The following FAM168B variants were observed in gnomAD, a reference collection of about 807,000 sequenced individuals.
FAM168B encodes family with sequence similarity 168 member B.
FAM168B carries 19 observed loss-of-function variants against 21.8 expected under a neutral mutation model. The observed-to-expected ratio is 0.87, with a 90% CI of 0.61 to 1.28. FAM168B has a LOEUF of 1.28. Among genes scored for constraint, FAM168B ranks in the 50% most tolerant of loss-of-function variants. FAM168B has a pLI of 0.00. For synonymous variants in FAM168B, 126 were observed against 104.8 expected, an observed-to-expected ratio of 1.20 and a Z score of -1.24; for missense variants, 233 against 263.1, an observed-to-expected ratio of 0.89 and a Z score of 0.79.
Position 131,051,396 on chromosome 2 carries a change from T to C in FAM168B, c.*1069A>G, listed in dbSNP as rs908434983. On this transcript the variant is annotated 3_prime_UTR_variant, in exon 7 of 7. Coordinates refer to ENST00000389915, the MANE Select transcript of FAM168B (RefSeq NM_001009993.4). ...ATTCTTAAATATACCACTTTCTTCA[T>C]AACATACAGCTGAAACCTTTGCCCT... is the stretch of plus-strand genomic sequence containing the variant. The C allele has an allele frequency of 2.0e-6, 2 of 984,506 alleles. No homozygotes were observed. Among genetic ancestry groups the C allele is most frequent in the South Asian group, 9.4e-5 (2 of 21,278 alleles). The allele number at this position is 984,506 out of a possible 1,614,324, so 61.0% of individuals were successfully genotyped here. A position where few individuals can be genotyped will look rare whatever the true frequency, so the allele number is the denominator to read the frequency against.
intron 2 of FAM168B, among the ~76,000 whole-genome samples, chr2:131,072,612 C>T (rs1692931956): frequency 6.6e-6 from 1 of 152,058 alleles, no homozygotes; most frequent in Non-Finnish European, 1.5e-5. Context: ...GCATCTACCA[C>T]CACGCCCAGC....
In FAM168B at chr2:131,050,492, C is replaced by G; in HGVS notation, c.*1973G>C. On this transcript the variant is annotated 3_prime_UTR_variant, in exon 7 of 7. Coordinates refer to ENST00000389915, the MANE Select transcript of FAM168B (RefSeq NM_001009993.4). Reference sequence around the variant, plus strand: ...CAAACTGTGTGCCTGCGGTAAATGTCTGCCCCCACACATAGACACTAAGAT... The same window carrying G: ...CAAACTGTGTGCCTGCGGTAAATGTGTGCCCCCACACATAGACACTAAGAT... 1.0e-6 allele frequency: 1 copy of G among 985,832 alleles called. No individual in the cohort carries two copies. The highest frequency in any genetic ancestry group is 1.2e-6 in the Non-Finnish European group (1 of 829,944). The allele number at this position is 985,832 out of a possible 1,614,324, so 61.1% of individuals were successfully genotyped here.
At chr2:131,061,355 G>A (rs1692286536) in intron 3 of FAM168B, among the ~76,000 whole-genome samples, 1 of 150,896 alleles carries the variant, frequency 6.6e-6, no homozygotes, top group Non-Finnish European at 1.5e-5. Flanking sequence ...TTCAGATGCT[G>A]ACACACAACT....
intron 2 of FAM168B, among the ~76,000 whole-genome samples, chr2:131,076,622 C>T (rs1693165478): frequency 1.4e-5 from 2 of 147,116 alleles, no homozygotes; most frequent in South Asian, 4.3e-4. Flanking sequence ...CACTGCACTC[C>T]AGCCTGGGCA....
chr2:131,083,527 C>T (rs191989766), intron 1 of FAM168B, among the ~76,000 whole-genome samples: 3 of 152,218 alleles, frequency 2.0e-5, no homozygotes, highest in Non-Finnish European at 2.9e-5. Context: ...GACAACAGAG[C>T]GAGACTTTGT....
Position 131,050,694 on chromosome 2 carries a change from G to C in FAM168B, c.*1771C>G. On this transcript the variant is annotated 3_prime_UTR_variant, in exon 7 of 7. Coordinates refer to ENST00000389915, the MANE Select transcript of FAM168B (RefSeq NM_001009993.4). ...AGAAGTACTTACTATAAAAAATAAG[G>C]TTACCAAAGGCTCAGTGGTCAGGTG... 3 of 985,364 alleles carry C rather than the reference G, an allele frequency of 3.0e-6. No homozygotes were observed. Among genetic ancestry groups the C allele is most frequent in the Non-Finnish European group, 3.6e-6 (3 of 829,910 alleles). 61.0% of individuals were successfully genotyped at this position (985,364 alleles called of 1,614,324 possible).
At chr2:131,089,293 T>C (rs1427785385) in intron 1 of FAM168B, among the ~76,000 whole-genome samples, 2 of 151,432 alleles carry the variant, frequency 1.3e-5, no homozygotes, top group African/African-American at 4.9e-5. Flanking sequence ...AGTTTCCCAT[T>C]TGAAATGACT....
Position 131,048,681 on chromosome 2 carries a change from G to A in FAM168B, c.*3784C>T. ...TCTGCAGTATACTCAAGAGTCTGCTGCCCTTCAGAAAGCCAGAGGGAACAC... is the reference window on the plus strand; with the variant it reads ...TCTGCAGTATACTCAAGAGTCTGCTACCCTTCAGAAAGCCAGAGGGAACAC... On this transcript the variant is annotated 3_prime_UTR_variant, in exon 7 of 7. Coordinates refer to ENST00000389915, the MANE Select transcript of FAM168B (RefSeq NM_001009993.4). 1.3e-5 allele frequency: 13 copies of A among 989,520 alleles called. No individual in the cohort carries two copies. The highest frequency in any genetic ancestry group is 1.6e-5 in the Non-Finnish European group (13 of 832,328). The allele number at this position is 989,520 out of a possible 1,614,324, so 61.3% of individuals were successfully genotyped here. A position where few individuals can be genotyped will look rare whatever the true frequency, so the allele number is the denominator to read the frequency against.
chr2:131,052,592 C>T, intron 6 of FAM168B, 140 bp from the exon 7 acceptor site: 1 of 733,452 alleles, frequency 1.4e-6, no homozygotes, highest in Non-Finnish European at 1.8e-6. Flanking sequence ...TCACTTCCTT[C>T]CTAGAGACCC....
intron 3 of FAM168B, among the ~76,000 whole-genome samples, chr2:131,067,436 G>A (rs1431882330): frequency 3.9e-5 from 6 of 152,116 alleles, no homozygotes; most frequent in Admixed American, 2.0e-4. Flanking sequence ...CAAACTGAAC[G>A]GCAAGATCAA....
chr2:131,052,473 A>G, intron 6 of FAM168B, 21 bp from the exon 7 acceptor site: 2 of 999,582 alleles, frequency 2.0e-6, no homozygotes, highest in Non-Finnish European at 2.4e-6. Flanking sequence ...GAAGACAGAC[A>G]CTCAGTCACA....
At chr2:131,073,960 C>G (rs947003634) in intron 2 of FAM168B, among the ~76,000 whole-genome samples, 4 of 152,156 alleles carry the variant, frequency 2.6e-5, no homozygotes, top group Admixed American at 6.5e-5. Flanking sequence ...GAAACAGAAA[C>G]ATCAAATAAG....
intron 2 of FAM168B, among the ~76,000 whole-genome samples, chr2:131,072,621 G>A (rs1434634425): frequency 1.3e-5 from 2 of 151,860 alleles, no homozygotes; most frequent in Admixed American, 1.3e-4. Context: ...ACCACGCCCA[G>A]CTAATTTTTG....
chr2:131,058,937 G>T (rs772786051), intron 3 of FAM168B, among the ~76,000 whole-genome samples: 5 of 152,158 alleles, frequency 3.3e-5, no homozygotes, highest in African/African-American at 7.2e-5. Context: ...TGCCATCAAA[G>T]AATTATAAAG....
At chr2:131,085,895 TAAGGC>T (rs1693670913) in intron 1 of FAM168B, among the ~76,000 whole-genome samples, 1 of 152,218 alleles carries the variant, frequency 6.6e-6, no homozygotes, top group South Asian at 2.1e-4. Context: ...ATCTGAAAAG[TAAGGC>T]TAAATGAGGC....
intron 3 of FAM168B, among the ~76,000 whole-genome samples, chr2:131,059,453 C>T (rs1169875037): frequency 6.6e-6 from 1 of 152,134 alleles, no homozygotes; most frequent in Admixed American, 6.5e-5. Flanking sequence ...TTCAGCTGTA[C>T]CTAAAGGAGA....
intron 3 of FAM168B, among the ~76,000 whole-genome samples, chr2:131,059,260 G>A (rs913065004): frequency 1.3e-5 from 2 of 152,176 alleles, no homozygotes; most frequent in African/African-American, 4.8e-5. Flanking sequence ...AGCATTTTAT[G>A]CAGTCTTGGC....
At chr2:131,057,504 G>A (rs1692086045) in intron 3 of FAM168B, among the ~76,000 whole-genome samples, 1 of 152,138 alleles carries the variant, frequency 6.6e-6, no homozygotes. Flanking sequence ...AAGCGTTCTG[G>A]GATGATCAAA....
intron 2 of FAM168B, among the ~76,000 whole-genome samples, chr2:131,075,706 T>G (rs2105540965): frequency 6.6e-6 from 1 of 152,146 alleles, no homozygotes; most frequent in African/African-American, 2.4e-5. Context: ...GCCAGGATGG[T>G]CTCGATCTAC....
Sources: gnomAD v4.1 joint callset for allele counts (sites outside exome capture counted in the v4.1 genomes callset) on GRCh38, gnomAD v4.1.1 for gene constraint, MANE v1.5 for transcripts, NCBI Gene and HGNC (gene_info 2026-07-23, HGNC 2026-07-21) for gene names.